Variants in CLCN5 observed in about 807,000 individuals in gnomAD.
The protein encoded by CLCN5 is H(+)/Cl(-) exchange transporter 5.
CLCN5 carries 17 observed loss-of-function variants against 54.0 expected under a neutral mutation model. That is an observed-to-expected ratio of 0.31 (90% CI 0.22 to 0.47). The LOEUF is 0.47. CLCN5 is among the 20% of genes least tolerant of loss of function. The pLI, the probability that CLCN5 is intolerant of heterozygous loss-of-function variation, is 1.00. For synonymous variants in CLCN5, 222 were observed against 233.0 expected (o/e 0.95, Z 0.43); for missense variants, 448 against 646.7 (o/e 0.69, Z 3.33).
At chrX:50,085,703 A>T in intron 9 of CLCN5, 1 of 365,601 alleles carries the variant, frequency 2.7e-6, no homozygotes, top group African/African-American at 2.6e-5. Flanking sequence ...AATTGGGAGT[A>T]TGGGAGATAA....
chrX:49,985,162 C>T (rs1255041569), intron 3 of CLCN5, among the ~76,000 whole-genome samples: 1 of 110,982 alleles, frequency 9.0e-6, no homozygotes, highest in African/African-American at 3.3e-5. Flanking sequence ...CAATTTTATT[C>T]GTTTTTTCAA....
chrX:49,994,929 T>C (rs1557179463), intron 3 of CLCN5, among the ~76,000 whole-genome samples: 1 of 112,059 alleles, frequency 8.9e-6, no homozygotes, highest in Admixed American at 9.5e-5. Context: ...CTCTTGAGGC[T>C]CAACTCAAGT....
At chrX:49,944,694 G>C (rs1926589677) in intron 3 of CLCN5, among the ~76,000 whole-genome samples, 1 of 111,738 alleles carries the variant, frequency 8.9e-6, no homozygotes, top group South Asian at 3.8e-4. Context: ...CTGTTTATAT[G>C]CTGGATTACA....
At chrX:49,936,026 T>G (rs1404998353) in intron 3 of CLCN5, among the ~76,000 whole-genome samples, 2 of 111,190 alleles carry the variant, frequency 1.8e-5, no homozygotes, top group Non-Finnish European at 3.8e-5. Context: ...GAATCTTTCT[T>G]TAATGAGTAA....
chrX:49,977,352 A>C (rs1428222845), intron 3 of CLCN5, among the ~76,000 whole-genome samples: 1 of 111,653 alleles, frequency 9.0e-6, no homozygotes, highest in Non-Finnish European at 1.9e-5. Context: ...AAATTTGTGA[A>C]TATATATGTG....
intron 3 of CLCN5, among the ~76,000 whole-genome samples, chrX:49,934,359 GCTGTT>G (rs1925811275): frequency 9.0e-6 from 1 of 111,123 alleles, no homozygotes; most frequent in Non-Finnish European, 1.9e-5. Flanking sequence ...TTCATGTAAT[GCTGTT>G]CTGTGTGTCA....
At position 49,941,311 on chromosome X, in the gene CLCN5, ACT is replaced by A. The variant is rs554381367; in HGVS notation, c.16+16000_16+16001del. Among the ~76,000 whole-genome samples, 14 of 110,499 alleles carry A rather than the reference ACT, an allele frequency of 1.3e-4. No homozygotes were observed. The South Asian group carries it at 5.1e-3, about 40-fold the overall frequency. ...ACTCCAGCCTAGGTGACAGAGCAAG[ACT>A]CTGTCTCAAAAAAAAGCACATGGTG... On this transcript the variant is annotated intron_variant, in intron 3 of 14. Transcript: ENST00000376091.
chrX:49,983,978 A>G (rs189831840), intron 3 of CLCN5, among the ~76,000 whole-genome samples: 2 of 110,780 alleles, frequency 1.8e-5, no homozygotes, highest in South Asian at 3.7e-4. Context: ...CTTGCTTACA[A>G]TGGTCAACAT....
chrX:49,927,887 A>C (rs1335023846), intron 3 of CLCN5, among the ~76,000 whole-genome samples: 4 of 112,562 alleles, frequency 3.6e-5, no homozygotes, highest in African/African-American at 9.7e-5. Flanking sequence ...CATTATGTTA[A>C]GTAAAATAAG....
At chrX:49,987,334 T>A (rs978221007) in intron 3 of CLCN5, among the ~76,000 whole-genome samples, 5 of 111,843 alleles carry the variant, frequency 4.5e-5, no homozygotes, top group Non-Finnish European at 7.5e-5. Context: ...CCCCCCACCT[T>A]TAGGTCAAGA....
At chrX:50,029,170 T>A (rs1046742834) in intron 3 of CLCN5, among the ~76,000 whole-genome samples, 21 of 112,252 alleles carry the variant, frequency 1.9e-4, no homozygotes, top group Non-Finnish European at 3.0e-4. Context: ...TCTTTTTTTT[T>A]ATTTAAGTTT....
At chrX:49,946,726 A>G (rs1411836098) in intron 3 of CLCN5, among the ~76,000 whole-genome samples, 1 of 111,770 alleles carries the variant, frequency 8.9e-6, no homozygotes, top group Non-Finnish European at 1.9e-5. Flanking sequence ...CATGAATACC[A>G]GGAGGTGGGC....
chrX:50,076,003 A>G (rs1933387295), intron 7 of CLCN5, 21 bp downstream of exon 7: 23 of 1,171,201 alleles, frequency 2.0e-5, no homozygotes, highest in African/African-American at 3.5e-5. Flanking sequence ...GTGATGTTTT[A>G]TGAGCCATTG....
chrX:50,026,524 T>G (rs1276454218), intron 3 of CLCN5, among the ~76,000 whole-genome samples: 1 of 111,780 alleles, frequency 8.9e-6, no homozygotes, highest in Non-Finnish European at 1.9e-5. Flanking sequence ...TCTCTATCAG[T>G]TTTTGCCTCA....
chrX:49,990,586 C>T (rs1295495568), intron 3 of CLCN5, among the ~76,000 whole-genome samples: 2 of 111,548 alleles, frequency 1.8e-5, no homozygotes, highest in Non-Finnish European at 3.8e-5. Flanking sequence ...TACAGGCACC[C>T]GCCACCACAC....
intron 3 of CLCN5, among the ~76,000 whole-genome samples, chrX:49,948,297 G>A (rs925433260): frequency 9.1e-6 from 1 of 110,159 alleles, no homozygotes; most frequent in Non-Finnish European, 1.9e-5. Flanking sequence ...CACCATTATC[G>A]GATTGGTGTT....
At chrX:50,060,244 A>G (rs1425251934) in intron 4 of CLCN5, among the ~76,000 whole-genome samples, 1 of 110,718 alleles carries the variant, frequency 9.0e-6, no homozygotes, top group Non-Finnish European at 1.9e-5. Context: ...CATCTGAGGT[A>G]CCGGGTTCAT....
chrX:50,019,456 C>CTTT (rs1424021181), intron 3 of CLCN5, among the ~76,000 whole-genome samples: 4 of 64,415 alleles, frequency 6.2e-5, no homozygotes, highest in African/African-American at 1.8e-4. Flanking sequence ...TTCATGCTTA[C>CTTT]TTTTTTTTTT....
At chrX:50,072,344 TG>T in intron 5 of CLCN5, 144 bp from the exon 6 acceptor site, 1 of 501,821 alleles carries the variant, frequency 2.0e-6, no homozygotes, top group Non-Finnish European at 3.6e-6. Flanking sequence ...TTAGTGAAAC[TG>T]GTTCAGCTAA....
Sources: allele counts gnomAD v4.1 joint callset (sites outside exome capture counted in the v4.1 genomes callset), GRCh38; gene constraint gnomAD v4.1.1; transcripts MANE v1.5; gene names NCBI Gene and HGNC (gene_info 2026-07-23, HGNC 2026-07-21).